The following CMSS1 variants were observed in gnomAD, a reference collection of about 807,000 sequenced individuals.
CMSS1 encodes protein CMSS1.
In CMSS1, 33 loss-of-function variants were observed where a neutral mutation model predicts 43.5. That is an observed-to-expected ratio of 0.76 (90% CI 0.57 to 1.01). The LOEUF (loss-of-function observed/expected upper bound fraction) is 1.01. Among genes scored for constraint, CMSS1 ranks in the 50% least tolerant of loss-of-function variants. The pLI is 0.00. For missense variants in CMSS1, 313 were observed against 326.4 expected, an observed-to-expected ratio of 0.96 and a Z score of 0.32; for synonymous variants, 115 against 117.2, an observed-to-expected ratio of 0.98 and a Z score of 0.12.
At chr3:100,058,524 A>G (rs1168497711) in intron 1 of CMSS1, among the ~76,000 whole-genome samples, 1 of 152,234 alleles carries the variant, frequency 6.6e-6, no homozygotes, top group Admixed American at 6.5e-5. Context: ...AGATACTCAC[A>G]TCCCCAATCT....
intron 1 of CMSS1, among the ~76,000 whole-genome samples, chr3:100,031,366 T>A (rs2065019136): frequency 6.6e-6 from 1 of 152,110 alleles, no homozygotes; most frequent in African/African-American, 2.4e-5. Context: ...AAAGTTCCTG[T>A]TACCCTCGTT....
intron 1 of CMSS1, among the ~76,000 whole-genome samples, chr3:99,920,289 T>C (rs911597826): frequency 6.6e-6 from 1 of 151,960 alleles, no homozygotes; most frequent in African/African-American, 2.4e-5. Context: ...TTTTGCCCCA[T>C]TGAAACTGAA....
intron 1 of CMSS1, among the ~76,000 whole-genome samples, chr3:99,852,392 C>T (rs569397316): frequency 4.6e-5 from 7 of 152,260 alleles, no homozygotes; most frequent in Non-Finnish European, 8.8e-5. Flanking sequence ...ATCCTTATCA[C>T]AGAACTTACT....
At chr3:99,957,693 C>CTTTTTTTTTTT (rs779350496) in intron 1 of CMSS1, among the ~76,000 whole-genome samples, 231 of 19,838 alleles carry the variant, frequency 0.012, 44 homozygotes, top group African/African-American at 0.014. Context: ...TTCTTTCTTT[C>CTTTTTTTTTTT]TTTTTTTTTT....
At chr3:99,847,372 G>C (rs77908443) in intron 1 of CMSS1, among the ~76,000 whole-genome samples, 1,775 of 150,670 alleles carry the variant, frequency 0.012, 24 homozygotes, top group East Asian at 0.029. Context: ...CTTTGAAGTA[G>C]AGTGTTCAAG....
chr3:99,894,188 A>G (rs181902104), intron 1 of CMSS1, among the ~76,000 whole-genome samples: 72 of 152,346 alleles, frequency 4.7e-4, no homozygotes, highest in African/African-American at 1.6e-3. Context: ...AGAAAAGGAG[A>G]TAGGATGGTT....
chr3:99,908,825 A>G (rs139295068), intron 1 of CMSS1, among the ~76,000 whole-genome samples: 300 of 152,162 alleles, frequency 2.0e-3, no homozygotes, highest in African/African-American at 6.8e-3. Flanking sequence ...TATTTTTTGT[A>G]TAGAATATAC....
rs1013158397 is a variant in CMSS1, at chr3:99,876,023, T to G, written c.64+57980T>G. The stretch of plus-strand genomic sequence containing the variant: ...CACCCACAGACTTGCTACCTGGCTG[T>G]CTGACAGCAGTGCCCCTTGGTGGAG... On this transcript the variant is annotated intron_variant, in intron 1 of 9. Transcript: ENST00000421999. 2.1e-5 allele frequency: 21 copies of G among 984,108 alleles called. No individual in the cohort carries two copies. The South Asian group carries it at 2.8e-4, about 13-fold the overall frequency. 61.0% of individuals were successfully genotyped at this position (984,108 alleles called of 1,614,324 possible). A position where few individuals can be genotyped will look rare whatever the true frequency, so the allele number is the denominator to read the frequency against.
At chr3:99,826,894 A>T (rs1313852979) in intron 1 of CMSS1, among the ~76,000 whole-genome samples, 2 of 152,106 alleles carry the variant, frequency 1.3e-5, no homozygotes, top group African/African-American at 2.4e-5. Context: ...ACTCACTTGG[A>T]TTTTTATCTG....
chr3:100,046,214 A>T (rs922751067), intron 1 of CMSS1, among the ~76,000 whole-genome samples: 4 of 152,108 alleles, frequency 2.6e-5, no homozygotes, highest in African/African-American at 9.7e-5. Context: ...CTTGAAACTG[A>T]TCAGGGCCAG....
At chr3:100,050,093 AC>A (rs371100001) in intron 1 of CMSS1, among the ~76,000 whole-genome samples, 1 of 152,172 alleles carries the variant, frequency 6.6e-6, no homozygotes, top group African/African-American at 2.4e-5. Flanking sequence ...ACACAGACTC[AC>A]CTGTGGAATG....
chr3:100,166,459 A>C (rs1423127254), intron 5 of CMSS1, 65 bp downstream of exon 5: 41 of 1,127,028 alleles, frequency 3.6e-5, no homozygotes, highest in Non-Finnish European at 5.5e-5. Flanking sequence ...TTGGGAATTT[A>C]GGTTTTGGTC....
intron 1 of CMSS1, among the ~76,000 whole-genome samples, chr3:99,993,995 G>C (rs1709600347): frequency 6.6e-6 from 1 of 152,134 alleles, no homozygotes; most frequent in Non-Finnish European, 1.5e-5. Context: ...GAATAAGTTA[G>C]GGAGAATTCC....
chr3:99,984,230 T>C (rs1300630424), intron 1 of CMSS1, among the ~76,000 whole-genome samples: 1 of 152,192 alleles, frequency 6.6e-6, no homozygotes, highest in African/African-American at 2.4e-5. Flanking sequence ...TCTTTGAGTA[T>C]AATTTTACTA....
At chr3:99,883,073 T>C (rs1427196973) in intron 1 of CMSS1, among the ~76,000 whole-genome samples, 2 of 152,232 alleles carry the variant, frequency 1.3e-5, no homozygotes, top group African/African-American at 2.4e-5. Flanking sequence ...GTCTACATCA[T>C]AAAATGCAGG....
chr3:99,987,528 CAAAAAAAA>C (rs1209242716), intron 1 of CMSS1, among the ~76,000 whole-genome samples: 1 of 57,164 alleles, frequency 1.7e-5, no homozygotes, highest in Non-Finnish European at 3.8e-5. Context: ...GATTCTGTCT[CAAAAAAAA>C]AAAAAAAAAA....
At chr3:99,839,692 T>C (rs944160207) in intron 1 of CMSS1, among the ~76,000 whole-genome samples, 2 of 152,158 alleles carry the variant, frequency 1.3e-5, no homozygotes, top group African/African-American at 4.8e-5. Flanking sequence ...GAGACAGAAG[T>C]ATAAAATACT....
chr3:100,088,312 T>C (rs957085538), intron 1 of CMSS1, among the ~76,000 whole-genome samples: 3 of 152,260 alleles, frequency 2.0e-5, no homozygotes, highest in Non-Finnish European at 4.4e-5. Flanking sequence ...GAAGTTAATA[T>C]AGGTTTTCAG....
chr3:99,948,843 G>A (rs1708094388), intron 1 of CMSS1, among the ~76,000 whole-genome samples: 1 of 152,144 alleles, frequency 6.6e-6, no homozygotes, highest in Non-Finnish European at 1.5e-5. Context: ...AGGGTTGGAA[G>A]GATCTGGAGA....
Sources: gnomAD v4.1 joint callset for allele counts (sites outside exome capture counted in the v4.1 genomes callset) on GRCh38, gnomAD v4.1.1 for gene constraint, MANE v1.5 for transcripts, NCBI Gene and HGNC (gene_info 2026-07-23, HGNC 2026-07-21) for gene names.